The following ARHGAP11A variants were observed in gnomAD, a reference collection of about 807,000 sequenced individuals.
ARHGAP11A encodes the protein rho GTPase-activating protein 11A.
A neutral mutation model predicts 60.5 loss-of-function variants in ARHGAP11A; 36 were observed. The ratio of observed to expected loss-of-function variants is 0.59; its 90% CI spans 0.46 to 0.79. The LOEUF is 0.79. ARHGAP11A is among the 30% of genes least tolerant of loss of function. The pLI is 0.00. For synonymous variants in ARHGAP11A, 362 were observed against 415.5 expected (o/e 0.87, Z 1.57); for missense variants, 1,071 against 1,199.2 (o/e 0.89, Z 1.58).
At chr15:32,635,681 G>A (rs1323394095) in intron 10 of ARHGAP11A, 96 bp from the exon 11 acceptor site, 3 of 834,130 alleles carry the variant, frequency 3.6e-6, no homozygotes, top group Non-Finnish European at 3.4e-6. Context: ...TTTTAAATCA[G>A]CTAAAGATTT....
At chr15:32,628,917 A>G (rs2053528471) in intron 7 of ARHGAP11A, 115 bp downstream of exon 7, 3 of 790,724 alleles carry the variant, frequency 3.8e-6, no homozygotes, top group Non-Finnish European at 5.6e-6. Context: ...ATCAAATCAA[A>G]TATTATTTTT....
rs146499716 is a variant in ARHGAP11A, at chr15:32,636,324, C to T, written c.1551C>T (p.Tyr517=). ...LTPERLVGTN[Y]RMSWTGPNNS... is the part of the protein sequence containing the mutation. ...CAGAGCGACTAGTTGGAACAAATTA[C>T]CGGATGTCTTGGACAGGACCTAATA... is the stretch of plus-strand genomic sequence containing the variant. The change falls in exon 12 of 12, where the codon TAC becomes TAT. Residue 517 remains tyrosine (Y), a synonymous_variant. Coordinates refer to ENST00000361627, the MANE Select transcript of ARHGAP11A (RefSeq NM_014783.6). The T allele has an allele frequency of 1.6e-4, 266 of 1,613,538 alleles. No individual in the cohort carries two copies. The highest frequency in any genetic ancestry group is 2.2e-4 in the Non-Finnish European group (259 of 1,179,878).
intron 2 of ARHGAP11A, among the ~76,000 whole-genome samples, chr15:32,620,916 G>A (rs1266551396): frequency 2.0e-5 from 3 of 152,022 alleles, no homozygotes; most frequent in Non-Finnish European, 4.4e-5. Flanking sequence ...AAATTTTAAA[G>A]AAAAATCAGC....
In ARHGAP11A at chr15:32,637,474, A is replaced by G. The variant is rs760505104; in HGVS notation, c.2701A>G (p.Lys901Glu). The G allele has an allele frequency of 4.3e-6, 7 of 1,613,930 alleles. No individual in the cohort carries two copies. The Admixed American group carries it at 6.7e-5, about 15-fold the overall frequency. Residue 901 changes from lysine to glutamate, a missense_variant, in exon 12 of 12, where the codon AAA becomes GAA. By Grantham distance (56) the Lys-to-Glu change is moderately conservative. This residue lies in a region of ARHGAP11A where 776 missense variants were observed against 760.2 expected (regional missense o/e 1.02). Coordinates refer to ENST00000361627, the MANE Select transcript of ARHGAP11A (RefSeq NM_014783.6). ...TGTTTCATGTATCAAATCAGGTCCT[A>G]AAGAACAGAAGTCCATGTCATGTGA... ...SSVSCIKSGPKEQKSMSCEES... is the reference protein window; with the variant it reads ...SSVSCIKSGPEEQKSMSCEES...
chr15:32,636,394 G>A lies in ARHGAP11A; in HGVS notation c.1621G>A (p.Val541Met). Residue 541 changes from valine (V) to methionine (M), a missense_variant, in exon 12 of 12, where the codon GTG (valine) becomes ATG (methionine). Transcript: ENST00000361627. ...AGATGCAAATGAAGCTTCTTCAATG[G>A]TGGAAAATCTTGAGGTAGAAAACTC... The part of the protein sequence containing the change: ...EVDANEASSM[V>M]ENLEVENSLE... 5.0e-6 allele frequency: 8 copies of A among 1,614,072 alleles called. No homozygotes were observed. Among genetic ancestry groups the A allele is most frequent in the Non-Finnish European group, 6.8e-6 (8 of 1,179,970 alleles).
Position 32,636,853 on chromosome 15 carries a change from C to A in ARHGAP11A, c.2080C>A (p.Gln694Lys). ...AACAACTATAAAATGTTATTCAACTCAGATGAAGATGGAACATGAAAAAGA... is the reference window on the plus strand; with the variant it reads ...AACAACTATAAAATGTTATTCAACTAAGATGAAGATGGAACATGAAAAAGA... ...RETTIKCYST[Q>K]MKMEHEKDIH... Residue 694 changes from glutamine (Q) to lysine (K), a missense_variant, in exon 12 of 12, where the codon CAG becomes AAG. Physicochemically the swap from Gln to Lys is moderately conservative, Grantham distance 53. This residue lies in a region of ARHGAP11A where 776 missense variants were observed against 760.2 expected (regional missense o/e 1.02). Coordinates refer to ENST00000361627, the MANE Select transcript of ARHGAP11A (RefSeq NM_014783.6). 6.2e-7 allele frequency: 1 copy of A among 1,610,714 alleles called. No individual in the cohort carries two copies. Among genetic ancestry groups the A allele is most frequent in the African/African-American group, 1.3e-5 (1 of 74,716 alleles).
intron 6 of ARHGAP11A, among the ~76,000 whole-genome samples, chr15:32,627,694 A>C (rs1424683204): frequency 1.3e-5 from 2 of 152,026 alleles, no homozygotes; most frequent in South Asian, 2.1e-4. Context: ...GGGCCACTGC[A>C]CTCCAGCCTG....
chr15:32,616,480 T>C, intron 1 of ARHGAP11A, 140 bp downstream of exon 1: 1 of 1,337,910 alleles, frequency 7.5e-7, no homozygotes. Flanking sequence ...GATGGTCGAT[T>C]GCTGATATTT....
intron 2 of ARHGAP11A, among the ~76,000 whole-genome samples, chr15:32,622,004 A>C (rs1428005609): frequency 6.6e-6 from 1 of 152,312 alleles, no homozygotes; most frequent in African/African-American, 2.4e-5. Flanking sequence ...TTGCCTTAGG[A>C]CAGTTTCCCC....
Position 32,633,027 on chromosome 15 carries a change from C to T in ARHGAP11A, c.1154C>T (p.Pro385Leu), listed in dbSNP as rs2053619865. The change falls in exon 9 of 12, where the codon CCT becomes CTT. Residue 385 changes from proline (P) to leucine (L), a missense_variant. This residue lies in a region of ARHGAP11A where 776 missense variants were observed against 760.2 expected (regional missense o/e 1.02). Transcript: ENST00000361627. ...SEGSSQSSLSPVLIGGNHLIT... is the reference protein window; with the variant it reads ...SEGSSQSSLSLVLIGGNHLIT... The stretch of plus-strand genomic sequence containing the variant: ...GGGTCATCTCAGAGTTCACTCTCTC[C>T]TGTACTCATTGGTGGAAACCATTTG... 2 of 1,614,018 alleles carry T rather than the reference C, an allele frequency of 1.2e-6. No individual in the cohort carries two copies. Among genetic ancestry groups the T allele is most frequent in the Non-Finnish European group, 8.5e-7 (1 of 1,179,900 alleles).
At chr15:32,627,101 TC>T (rs1269735505) in intron 6 of ARHGAP11A, among the ~76,000 whole-genome samples, 1 of 152,132 alleles carries the variant, frequency 6.6e-6, no homozygotes, top group African/African-American at 2.4e-5. Context: ...TTATCACCAG[TC>T]CTGTAGTTTC....
chr15:32,626,622 G>A (rs1335116540), intron 6 of ARHGAP11A, among the ~76,000 whole-genome samples: 3 of 152,218 alleles, frequency 2.0e-5, no homozygotes, highest in African/African-American at 7.2e-5. Context: ...CTGTAGCAAA[G>A]TACTACAAAC....
In ARHGAP11A at chr15:32,638,589, C is replaced by T. The variant is rs2053778626; in HGVS notation, c.*744C>T. ...TTATATTAATGTTTATTGTCCTTGCCAAAATTCCTAGAAATTAATTTCCTT... is the reference window on the plus strand; with the variant it reads ...TTATATTAATGTTTATTGTCCTTGCTAAAATTCCTAGAAATTAATTTCCTT... On this transcript the variant is annotated 3_prime_UTR_variant, in exon 12 of 12. Coordinates refer to ENST00000361627, the MANE Select transcript of ARHGAP11A (RefSeq NM_014783.6). 6.6e-6 allele frequency: 1 copy of T among 152,292 alleles called. No individual in the cohort carries two copies. The highest frequency in any genetic ancestry group is 2.1e-4 in the South Asian group (1 of 4,820). The allele number at this position is 152,292 out of a possible 1,614,324, so 9.4% of individuals were successfully genotyped here.
At chr15:32,620,442 G>A in intron 2 of ARHGAP11A, among the ~76,000 whole-genome samples, 1 of 149,802 alleles carries the variant, frequency 6.7e-6, no homozygotes, top group East Asian at 1.9e-4. Flanking sequence ...CCAGGGAAAT[G>A]AAGAAGAAGA....
At position 32,637,096 on chromosome 15, in the gene ARHGAP11A, T is replaced by C; in HGVS notation, c.2323T>C (p.Ser775Pro). The C allele has an allele frequency of 6.2e-7, 1 of 1,614,012 alleles. No individual in the cohort carries two copies. The highest frequency in any genetic ancestry group is 8.5e-7 in the Non-Finnish European group (1 of 1,180,042). ...GAGTACATGTGTTGTAACAAACTTG[T>C]CAAAACCTAGGCCTATGAGAATTGC... ...QQSTCVVTNL[S>P]KPRPMRIAKQ... The change falls in exon 12 of 12, where the codon TCA becomes CCA. Residue 775 changes from serine (S) to proline (P), a missense_variant. By Grantham distance (74) the Ser-to-Pro change is moderately conservative. Around this residue, in one of 4 missense-constraint regions of ARHGAP11A, gnomAD observed 776 missense variants for 760.2 expected, o/e 1.02. Transcript: ENST00000361627.
At chr15:32,622,185 C>A (rs2053346459) in intron 2 of ARHGAP11A, among the ~76,000 whole-genome samples, 1 of 152,308 alleles carries the variant, frequency 6.6e-6, no homozygotes. Flanking sequence ...TAGGGAGGCC[C>A]AGGTGGTGGA....
chr15:32,634,711 C>G (rs1399834627), intron 10 of ARHGAP11A, among the ~76,000 whole-genome samples: 1 of 152,196 alleles, frequency 6.6e-6, no homozygotes, highest in African/African-American at 2.4e-5. Context: ...ACACTTTTAC[C>G]TGTGGTTTTC....
In ARHGAP11A at chr15:32,637,971, T is replaced by G; in HGVS notation, c.*126T>G. On this transcript the variant is annotated 3_prime_UTR_variant, in exon 12 of 12. Transcript: ENST00000361627. Reference sequence around the variant, plus strand: ...AGCAATAGATTTGCTCTATTGAAAATGTTTCATTTTTTTCACTGTACAAGC... The same window carrying G: ...AGCAATAGATTTGCTCTATTGAAAAGGTTTCATTTTTTTCACTGTACAAGC... 1.1e-6 allele frequency: 1 copy of G among 889,754 alleles called. No individual in the cohort carries two copies. The highest frequency in any genetic ancestry group is 1.7e-6 in the Non-Finnish European group (1 of 603,912). 55.1% of individuals were successfully genotyped at this position (889,754 alleles called of 1,614,324 possible). A position where few individuals can be genotyped will look rare whatever the true frequency, so the allele number is the denominator to read the frequency against.
At chr15:32,636,056 T>C (rs1298004311) in intron 11 of ARHGAP11A, 141 bp downstream of exon 11, 1 of 1,376,378 alleles carries the variant, frequency 7.3e-7, no homozygotes, top group East Asian at 2.7e-5. Flanking sequence ...GAATTGGCAA[T>C]GTATTTTTCT....
Sources: allele counts gnomAD v4.1 joint callset (sites outside exome capture counted in the v4.1 genomes callset), GRCh38; gene constraint gnomAD v4.1.1; regional missense constraint gnomAD v4.1.1; transcripts MANE v1.5; gene names NCBI Gene and HGNC (gene_info 2026-07-23, HGNC 2026-07-21).